Variants in SH3RF1 observed in about 807,000 individuals in gnomAD.
SH3RF1 encodes the protein SH3 domain containing ring finger 1.
A neutral mutation model predicts 74.0 loss-of-function variants in SH3RF1; 32 were observed. The observed-to-expected ratio is 0.43, with a 90% CI of 0.33 to 0.58. The LOEUF (loss-of-function observed/expected upper bound fraction) is 0.58. Among genes scored for constraint, SH3RF1 ranks in the 20% least tolerant of loss-of-function variants. The pLI is 0.05. For missense variants in SH3RF1, 954 were observed against 1,130.9 expected (o/e 0.84, Z 2.24); for synonymous variants, 396 against 439.6 (o/e 0.90, Z 1.24).
chr4:169,195,802 GA>G (rs1734798821), intron 2 of SH3RF1, among the ~76,000 whole-genome samples: 1 of 151,968 alleles, frequency 6.6e-6, no homozygotes, highest in African/African-American at 2.4e-5. Context: ...AAGTTCTCTT[GA>G]ATTTTTGTCT....
At chr4:169,241,847 T>A (rs1039044724) in intron 2 of SH3RF1, among the ~76,000 whole-genome samples, 8 of 152,086 alleles carry the variant, frequency 5.3e-5, no homozygotes, top group African/African-American at 1.9e-4. Flanking sequence ...CCTTGAGATT[T>A]CCCTCTTCTC....
intron 2 of SH3RF1, among the ~76,000 whole-genome samples, chr4:169,190,050 A>C (rs1255361102): frequency 2.0e-5 from 3 of 152,204 alleles, no homozygotes; most frequent in African/African-American, 7.2e-5. Context: ...ACAAACTATC[A>C]AAACCTATGG....
intron 2 of SH3RF1, chr4:169,204,132 T>C (rs1730179797): frequency 6.6e-6 from 1 of 152,188 alleles, no homozygotes; most frequent in South Asian, 2.1e-4. Context: ...TGGTGGATTA[T>C]CAAATGAGAT....
rs1733336483 is a variant in SH3RF1, at chr4:169,116,521, G to A, written c.1887C>T (p.Ala629=). ...ASVGLSHHSL[A]SPQPAPLMPG... is the part of the protein sequence containing the mutation. ...GCATCAGAGGCGCAGGTTGTGGGGA[G>A]GCCAGCGAGTGATGGGACAGGCCCA... Residue 629 remains alanine, a synonymous_variant, in exon 10 of 12, where the codon GCC becomes GCT. Coordinates refer to ENST00000284637, the MANE Select transcript of SH3RF1 (RefSeq NM_020870.4). 2 of 1,612,994 alleles carry A rather than the reference G, an allele frequency of 1.2e-6. No individual in the cohort carries two copies. The highest frequency in any genetic ancestry group is 2.2e-5 in the South Asian group (2 of 90,790).
chr4:169,131,726 T>G (rs1733624203), intron 5 of SH3RF1, among the ~76,000 whole-genome samples: 1 of 152,256 alleles, frequency 6.6e-6, no homozygotes, highest in African/African-American at 2.4e-5. Context: ...AAACTGAAAG[T>G]ACCTCTGACT....
intron 6 of SH3RF1, among the ~76,000 whole-genome samples, chr4:169,122,618 G>C (rs975634020): frequency 1.5e-4 from 23 of 152,294 alleles, no homozygotes; most frequent in Non-Finnish European, 1.8e-4. Flanking sequence ...TTTCGAGGCG[G>C]GTAGCCATGT....
intron 2 of SH3RF1, among the ~76,000 whole-genome samples, chr4:169,206,573 T>C (rs1408037229): frequency 6.6e-6 from 1 of 152,116 alleles, no homozygotes; most frequent in Admixed American, 6.5e-5. Flanking sequence ...TTTAAATAAG[T>C]GAAGTCAAGA....
chr4:169,245,102 T>C (rs1419726549), intron 2 of SH3RF1, among the ~76,000 whole-genome samples: 2 of 152,142 alleles, frequency 1.3e-5, no homozygotes, highest in Non-Finnish European at 2.9e-5. Flanking sequence ...TAAACCAAAA[T>C]CCTAAATTGG....
intron 4 of SH3RF1, among the ~76,000 whole-genome samples, chr4:169,152,914 A>G (rs896929900): frequency 3.3e-5 from 5 of 151,994 alleles, no homozygotes; most frequent in Non-Finnish European, 4.4e-5. Flanking sequence ...CACCACCTCA[A>G]TCCTCTCTTT....
At chr4:169,134,888 T>A (rs547873509) in intron 5 of SH3RF1, among the ~76,000 whole-genome samples, 5 of 152,226 alleles carry the variant, frequency 3.3e-5, no homozygotes, top group African/African-American at 9.6e-5. Flanking sequence ...ACTGCACTCA[T>A]GTTCTAGTTG....
intron 2 of SH3RF1, among the ~76,000 whole-genome samples, chr4:169,197,768 G>C (rs1734840958): frequency 1.3e-5 from 2 of 151,540 alleles, no homozygotes; most frequent in African/African-American, 4.9e-5. Flanking sequence ...CAAATTCAAA[G>C]ACCTGATACT....
At chr4:169,264,228 G>C (rs1464847329) in intron 2 of SH3RF1, among the ~76,000 whole-genome samples, 9 of 152,128 alleles carry the variant, frequency 5.9e-5, no homozygotes, top group Non-Finnish European at 1.3e-4. Context: ...TTCCTTTGAA[G>C]GCAACTCTCC....
At chr4:169,164,399 C>T (rs1481685074) in intron 2 of SH3RF1, among the ~76,000 whole-genome samples, 5 of 152,200 alleles carry the variant, frequency 3.3e-5, no homozygotes, top group Non-Finnish European at 7.3e-5. Context: ...AACAGTTTTA[C>T]ACAAATTGCA....
chr4:169,214,055 T>C (rs1239959711), intron 2 of SH3RF1, among the ~76,000 whole-genome samples: 2 of 152,242 alleles, frequency 1.3e-5, no homozygotes, highest in African/African-American at 4.8e-5. Context: ...TGATATAGTT[T>C]GGATGTCTGT....
At position 169,117,509 on chromosome 4, in the gene SH3RF1, G is replaced by T; in HGVS notation, c.1777+14C>A. ...CCTTTATCCTGATATGTTCTGGCCT[G>T]GGTTCCTCCTTACCTGTCCTCACAG... On this transcript the variant is annotated intron_variant, in intron 9 of 11. Transcript: ENST00000284637. 1 of 1,613,528 alleles carries T rather than the reference G, an allele frequency of 6.2e-7. No homozygotes were observed. The highest frequency in any genetic ancestry group is 8.5e-7 in the Non-Finnish European group (1 of 1,179,484).
At chr4:169,164,437 T>C (rs1285075738) in intron 2 of SH3RF1, among the ~76,000 whole-genome samples, 1 of 152,174 alleles carries the variant, frequency 6.6e-6, no homozygotes, top group East Asian at 1.9e-4. Context: ...TATTTATGTG[T>C]CTCTGGGAAC....
intron 2 of SH3RF1, among the ~76,000 whole-genome samples, chr4:169,208,976 C>CAA (rs944758702): frequency 1.5e-4 from 23 of 151,932 alleles, no homozygotes; most frequent in African/African-American, 5.5e-4. Context: ...AGATGAAAAA[C>CAA]ACACCAAACA....
chr4:169,155,867 T>C (rs1734042229), intron 3 of SH3RF1, among the ~76,000 whole-genome samples: 1 of 134,570 alleles, frequency 7.4e-6, no homozygotes, highest in African/African-American at 2.9e-5. Context: ...TACCCTAGCC[T>C]CCTGAGTTTG....
At chr4:169,185,972 A>G (rs1734595556) in intron 2 of SH3RF1, among the ~76,000 whole-genome samples, 1 of 152,132 alleles carries the variant, frequency 6.6e-6, no homozygotes, top group African/African-American at 2.4e-5. Context: ...TACACTCTCC[A>G]CCGCCTGCTT....
Sources: allele counts gnomAD v4.1 joint callset (sites outside exome capture counted in the v4.1 genomes callset), GRCh38; gene constraint gnomAD v4.1.1; transcripts MANE v1.5; gene names NCBI Gene and HGNC (gene_info 2026-07-23, HGNC 2026-07-21).